Variants in ABCD3 observed in about 807,000 individuals in gnomAD.
ABCD3 encodes the protein ATP-binding cassette sub-family D member 3.
ABCD3 carries 41 observed loss-of-function variants against 105.5 expected under a neutral mutation model. That is an observed-to-expected ratio of 0.39 (90% CI 0.30 to 0.50). The LOEUF is 0.50. ABCD3 is among the 20% of genes least tolerant of loss of function. ABCD3 has a pLI of 0.84. For missense variants in ABCD3, 622 were observed against 806.3 expected (o/e 0.77, Z 2.77); for synonymous variants, 258 against 269.0 (o/e 0.96, Z 0.40).
chr1:94,491,341 G>T, intron 16 of ABCD3, 94 bp downstream of exon 16: 1 of 922,346 alleles, frequency 1.1e-6, no homozygotes. Context: ...TTTAAGGCTC[G>T]ACTTAGTCTC....
the ABCD3 span, among the ~76,000 whole-genome samples, chr1:94,402,536 A>C: frequency 1.3e-5 from 2 of 151,932 alleles, no homozygotes; most frequent in Non-Finnish European, 2.9e-5. Context: ...ATATAATCAC[A>C]GTATAGTTAG....
At chr1:94,455,483 G>A (rs1037890213) in intron 1 of ABCD3, among the ~76,000 whole-genome samples, 3 of 151,862 alleles carry the variant, frequency 2.0e-5, no homozygotes, top group African/African-American at 4.8e-5. Context: ...GCACCATCAC[G>A]CCCGGCTAAT....
chr1:94,411,802 T>C, the ABCD3 span, among the ~76,000 whole-genome samples: 1 of 152,210 alleles, frequency 6.6e-6, no homozygotes, highest in African/African-American at 2.4e-5. Context: ...ATGAAATTAT[T>C]CATCCATACA....
chr1:94,420,782 G>A (rs948420958), intron 1 of ABCD3, among the ~76,000 whole-genome samples: 12 of 152,052 alleles, frequency 7.9e-5, no homozygotes, highest in Admixed American at 6.6e-5. Flanking sequence ...TATTTGAGTG[G>A]GCTTTTGAAT....
At chr1:94,489,630 C>T (rs1000639887) in intron 13 of ABCD3, 95 bp from the exon 14 acceptor site, 2 of 863,304 alleles carry the variant, frequency 2.3e-6, no homozygotes, top group Admixed American at 4.0e-5. Flanking sequence ...TTCATTTATA[C>T]TAAATTATAA....
chr1:94,418,654 C>T, intron 1 of ABCD3, 66 bp downstream of exon 1: 2 of 1,484,574 alleles, frequency 1.3e-6, no homozygotes, highest in Non-Finnish European at 1.8e-6. Flanking sequence ...CGCTCTCTCT[C>T]CCCACCCGGC....
chr1:94,441,743 A>G (rs1435060176), intron 1 of ABCD3, among the ~76,000 whole-genome samples: 1 of 152,192 alleles, frequency 6.6e-6, no homozygotes. Flanking sequence ...AAGACTAGAT[A>G]TGCTATCTTT....
chr1:94,428,233 A>G (rs559837041), intron 1 of ABCD3, among the ~76,000 whole-genome samples: 1 of 152,344 alleles, frequency 6.6e-6, no homozygotes, highest in East Asian at 1.9e-4. Flanking sequence ...ATCAAAGCAT[A>G]ATCAGCTAGT....
intron 4 of ABCD3, among the ~76,000 whole-genome samples, chr1:94,470,575 T>G (rs1648405307): frequency 1.3e-5 from 2 of 152,166 alleles, no homozygotes; most frequent in South Asian, 4.1e-4. Context: ...TATGAATTTT[T>G]TTTTTTTGTT....
chr1:94,517,122 G>A lies in ABCD3; in HGVS notation c.1973G>A (p.Gly658Asp). Residue 658 changes from glycine (G) to aspartate (D), a missense_variant, in exon 23 of 23, where the codon GGC (glycine) becomes GAC (aspartate). By Grantham distance (94) the Gly-to-Asp change is moderately conservative. Transcript: ENST00000370214. ...ATAACAGAAGATACAGTTGAGTTTG[G>A]CTCTTAGAGAAATCTGGAGAACTAT... ...KQITEDTVEFGS is the reference protein window; with the variant it reads ...KQITEDTVEFDS 1 of 1,608,188 alleles carries A rather than the reference G, an allele frequency of 6.2e-7. No homozygotes were observed. The highest frequency in any genetic ancestry group is 1.1e-5 in the South Asian group (1 of 90,968).
At chr1:94,457,553 G>GC (rs1320399831) in intron 1 of ABCD3, among the ~76,000 whole-genome samples, 5 of 151,984 alleles carry the variant, frequency 3.3e-5, no homozygotes, top group African/African-American at 1.2e-4. Context: ...AATCCTGACA[G>GC]CCCCCTCTTT....
At chr1:94,443,335 G>A (rs1660202745) in intron 1 of ABCD3, among the ~76,000 whole-genome samples, 1 of 152,026 alleles carries the variant, frequency 6.6e-6, no homozygotes. Context: ...TTGTTGAGCT[G>A]AGTTCCTTGT....
chr1:94,458,770 A>G lies in ABCD3; in HGVS notation c.147+127A>G, dbSNP rs370636963. 7.8e-5 allele frequency: 69 copies of G among 887,310 alleles called. No individual in the cohort carries two copies. The African/African-American group carries it at 1.1e-3, about 14-fold the overall frequency. 55.0% of individuals were successfully genotyped at this position (887,310 alleles called of 1,614,324 possible). A position where few individuals can be genotyped will look rare whatever the true frequency, so the allele number is the denominator to read the frequency against. The stretch of plus-strand genomic sequence containing the variant: ...ACTTAAAAATACTCCAGTCTTCTAC[A>G]CATTACAGGAATACTCTCTGAAATA... On this transcript the variant is annotated intron_variant, in intron 2 of 22. Transcript: ENST00000370214.
At chr1:94,477,227 C>CAAAA (rs561060182) in intron 7 of ABCD3, among the ~76,000 whole-genome samples, 31 of 44,302 alleles carry the variant, frequency 7.0e-4, no homozygotes, top group East Asian at 1.7e-3. Flanking sequence ...ACTTATAAGG[C>CAAAA]AAAAAAAAAA....
At chr1:94,421,249 A>G (rs1024097546) in intron 1 of ABCD3, among the ~76,000 whole-genome samples, 5 of 152,144 alleles carry the variant, frequency 3.3e-5, no homozygotes, top group Non-Finnish European at 7.4e-5. Context: ...GGTAAAATTT[A>G]TATACATTGA....
At chr1:94,388,860 T>C in the ABCD3 span, among the ~76,000 whole-genome samples, 2 of 152,214 alleles carry the variant, frequency 1.3e-5, no homozygotes, top group Non-Finnish European at 2.9e-5. Flanking sequence ...TGATGCATTA[T>C]TGATTTGGCA....
chr1:94,499,377 T>C (rs1649983415), intron 19 of ABCD3, 118 bp from the exon 20 acceptor site: 4 of 1,175,236 alleles, frequency 3.4e-6, no homozygotes, highest in Non-Finnish European at 5.0e-6. Flanking sequence ...TTCTGAAATG[T>C]ATCTTTTAAG....
Position 94,480,465 on chromosome 1 carries a change from GC to G in ABCD3, c.689del (p.Pro230GlnfsTer4). On this transcript the variant is annotated frameshift_variant and splice_region_variant, in exon 9 of 23. Coordinates refer to ENST00000370214, the MANE Select transcript of ABCD3 (RefSeq NM_002858.4). LOFTEE classifies it high-confidence loss of function. ...FKLTSAIGAQ[G>X]PASMMAYLVV... ...ATCTTTCTCTCCCAATAATAATAGG[GC>G]CCAGCGAGCATGATGGCCTACTTGG... 6.2e-7 allele frequency: 1 copy of G among 1,613,646 alleles called. No homozygotes were observed. Among genetic ancestry groups the G allele is most frequent in the Non-Finnish European group, 8.5e-7 (1 of 1,179,778 alleles).
chr1:94,467,294 T>C (rs1416769293), intron 3 of ABCD3, among the ~76,000 whole-genome samples: 2 of 152,158 alleles, frequency 1.3e-5, no homozygotes, highest in African/African-American at 4.8e-5. Flanking sequence ...ATGCCATAAC[T>C]GTCTTTTGCT....
Sources: allele counts gnomAD v4.1 joint callset (sites outside exome capture counted in the v4.1 genomes callset), GRCh38; gene constraint gnomAD v4.1.1; transcripts MANE v1.5; gene names NCBI Gene and HGNC (gene_info 2026-07-23, HGNC 2026-07-21).